CNTN5: variants seen among roughly 807,000 people sequenced by gnomAD.
CNTN5 encodes the protein contactin-5.
In CNTN5, 77 loss-of-function variants were observed where a neutral mutation model predicts 129.1. The ratio of observed to expected loss-of-function variants is 0.60; its 90% CI spans 0.50 to 0.72. The LOEUF (loss-of-function observed/expected upper bound fraction) is 0.72, where lower values mean the gene tolerates loss of function less well. Ranked by LOEUF, CNTN5 falls within the 30% of genes least tolerant of loss-of-function variation. The probability of loss-of-function intolerance (pLI) is 0.00; values close to 1 mark genes in which losing one functional copy is unlikely to be tolerated. For synonymous variants in CNTN5, 509 were observed against 465.6 expected (o/e 1.09, Z -1.20); for missense variants, 1,478 against 1,328.8 (o/e 1.11, Z -1.75).
intron 2 of CNTN5, among the ~76,000 whole-genome samples, chr11:99,410,201 A>C (rs1942328220): frequency 6.6e-6 from 1 of 152,236 alleles, no homozygotes; most frequent in African/African-American, 2.4e-5. Flanking sequence ...CTTGTATTTT[A>C]GTTTCCTAGC....
At chr11:100,100,139 GC>G in intron 13 of CNTN5, among the ~76,000 whole-genome samples, 1 of 152,110 alleles carries the variant, frequency 6.6e-6, no homozygotes, top group African/African-American at 2.4e-5. Flanking sequence ...AGTTTCCAAA[GC>G]TAAATGATTA....
chr11:99,815,251 T>C (rs1187260615), intron 3 of CNTN5, among the ~76,000 whole-genome samples: 1 of 152,140 alleles, frequency 6.6e-6, no homozygotes, highest in Non-Finnish European at 1.5e-5. Flanking sequence ...CATTTGTTAA[T>C]TTAATTTAGT....
chr11:99,289,621 A>G lies in CNTN5; in HGVS notation c.-209-35725A>G, dbSNP rs1025902279. 1.0e-3 allele frequency among the ~76,000 whole-genome samples: 155 copies of G among 151,750 alleles called. 2 individuals are homozygous for G. Among genetic ancestry groups the G allele is most frequent in the Non-Finnish European group, 3.0e-5 (2 of 67,740 alleles). On this transcript the variant is annotated intron_variant, in intron 1 of 24. Coordinates refer to ENST00000524871, the MANE Select transcript of CNTN5 (RefSeq NM_014361.4). ...AAATTATGACCATTCTACTTTGATCATCATCCCTGTAGAGCTTCTACCTCC... is the reference window on the plus strand; with the variant it reads ...AAATTATGACCATTCTACTTTGATCGTCATCCCTGTAGAGCTTCTACCTCC...
At chr11:100,001,397 A>G (rs556038585) in intron 8 of CNTN5, among the ~76,000 whole-genome samples, 1 of 152,278 alleles carries the variant, frequency 6.6e-6, no homozygotes, top group South Asian at 2.1e-4. Context: ...GCAGATTACA[A>G]TTTGAGATGT....
chr11:100,350,835 C>T lies in CNTN5; in HGVS notation c.3164C>T (p.Thr1055Ile), dbSNP rs778613360. Residue 1055 changes from threonine (T) to isoleucine (I), a missense_variant, in exon 24 of 25, where the codon ACA (threonine) becomes ATA (isoleucine). Thr to Ile is a moderately conservative substitution (Grantham distance 89). Transcript: ENST00000524871. ...VRAYSEGGDG[T>I]ASSQIRVPSY... is the part of the protein sequence containing the mutation. The stretch of plus-strand genomic sequence containing the variant: ...GCATATAGTGAAGGAGGAGATGGAA[C>T]AGCTAGTTCTCAAATTAGGGTACCA... 8 of 1,594,290 alleles carry T rather than the reference C, an allele frequency of 5.0e-6. No individual in the cohort carries two copies. The highest frequency in any genetic ancestry group is 4.3e-6 in the Non-Finnish European group (5 of 1,168,522).
chr11:99,965,629 A>G (rs1046016765), intron 8 of CNTN5, among the ~76,000 whole-genome samples: 4 of 152,176 alleles, frequency 2.6e-5, no homozygotes, highest in Admixed American at 2.6e-4. Flanking sequence ...AGAAGAATGT[A>G]TATTTTGTTG....
intron 6 of CNTN5, among the ~76,000 whole-genome samples, chr11:99,878,457 A>G (rs561457280): frequency 6.6e-6 from 1 of 152,312 alleles, no homozygotes; most frequent in African/African-American, 2.4e-5. Flanking sequence ...TAGTGATGGC[A>G]TGTGCAATAG....
intron 1 of CNTN5, among the ~76,000 whole-genome samples, chr11:99,262,610 T>C (rs35835148): frequency 0.055 from 8,249 of 148,860 alleles, 774 homozygotes; most frequent in African/African-American, 0.19. Context: ...CTTTTTTTTT[T>C]TCTCTCTCTT....
intron 3 of CNTN5, among the ~76,000 whole-genome samples, chr11:99,565,710 A>C (rs1413135630): frequency 6.6e-6 from 1 of 152,224 alleles, no homozygotes; most frequent in Non-Finnish European, 1.5e-5. Flanking sequence ...CCAATGAAGA[A>C]GAGTATATAC....
rs1421557937 is a variant in CNTN5 at position 99,813,958 on chromosome 11, A to G, written c.56-5586A>G. Among the ~76,000 whole-genome samples the G allele has an allele frequency of 1.2e-4, 18 of 152,162 alleles. 1 individual carries two copies. The highest frequency in any genetic ancestry group is 1.2e-3 in the Admixed American group (18 of 15,262). ...GGGGGGATAATAATTGAATACTTTT[A>G]CCATATACAGCACTTCTAAGGAGTC... On this transcript the variant is annotated intron_variant, in intron 3 of 24. Transcript: ENST00000524871.
chr11:99,678,971 A>C (rs28546587), intron 3 of CNTN5, among the ~76,000 whole-genome samples: 39,766 of 147,472 alleles, frequency 0.27, 5,659 homozygotes, highest in Non-Finnish European at 0.31. Context: ...CTCTCTCTAT[A>C]TATATATATA....
At chr11:99,920,102 T>C (rs1367107427) in intron 7 of CNTN5, among the ~76,000 whole-genome samples, 2 of 152,164 alleles carry the variant, frequency 1.3e-5, no homozygotes, top group African/African-American at 4.8e-5. Flanking sequence ...TGCTGAGTAG[T>C]ATTTCATTTT....
At chr11:99,613,333 C>G (rs1341581988) in intron 3 of CNTN5, among the ~76,000 whole-genome samples, 2 of 152,176 alleles carry the variant, frequency 1.3e-5, no homozygotes, top group African/African-American at 4.8e-5. Context: ...TTCGCTGGGC[C>G]TGTCTTCTTC....
chr11:99,773,451 A>T (rs1409869022), intron 3 of CNTN5, among the ~76,000 whole-genome samples: 1 of 152,050 alleles, frequency 6.6e-6, no homozygotes, highest in Non-Finnish European at 1.5e-5. Context: ...CTTCTTGGAC[A>T]TTATCACAGT....
intron 1 of CNTN5, among the ~76,000 whole-genome samples, chr11:99,278,908 C>A (rs1444362299): frequency 6.6e-6 from 1 of 151,726 alleles, no homozygotes; most frequent in Non-Finnish European, 1.5e-5. Context: ...TGAGTCCTGT[C>A]AATATAGTGG....
chr11:99,087,764 C>T (rs973045232), intron 1 of CNTN5, among the ~76,000 whole-genome samples: 1 of 152,192 alleles, frequency 6.6e-6, no homozygotes, highest in Non-Finnish European at 1.5e-5. Context: ...AAATGTATTA[C>T]AGTTAGGTCT....
intron 1 of CNTN5, among the ~76,000 whole-genome samples, chr11:99,134,656 A>T (rs1196213640): frequency 6.6e-6 from 1 of 152,144 alleles, no homozygotes; most frequent in Non-Finnish European, 1.5e-5. Context: ...CTAGAAATTG[A>T]TTGTAATAAT....
chr11:99,887,114 G>A (rs1240997750), intron 6 of CNTN5, among the ~76,000 whole-genome samples: 1 of 152,050 alleles, frequency 6.6e-6, no homozygotes, highest in African/African-American at 2.4e-5. Flanking sequence ...TATAATTATT[G>A]TGTGGTTAAA....
At chr11:99,976,760 T>G (rs917523513) in intron 8 of CNTN5, among the ~76,000 whole-genome samples, 2 of 152,222 alleles carry the variant, frequency 1.3e-5, no homozygotes. Context: ...CTTAGCCCTG[T>G]TATGGGACAG....
Sources: allele counts gnomAD v4.1 joint callset (sites outside exome capture counted in the v4.1 genomes callset), GRCh38; gene constraint gnomAD v4.1.1; transcripts MANE v1.5; gene names NCBI Gene and HGNC (gene_info 2026-07-23, HGNC 2026-07-21).